The following ERC2 variants were observed in gnomAD, a reference collection of about 807,000 sequenced individuals.
ERC2 encodes the protein ELKS/RAB6-interacting/CAST family member 2.
A neutral mutation model predicts 114.8 loss-of-function variants in ERC2; 42 were observed. The observed-to-expected ratio is 0.37, with a 90% CI of 0.29 to 0.47. The LOEUF is 0.47. Among genes scored for constraint, ERC2 ranks in the 20% least tolerant of loss-of-function variants. The pLI is 0.99. For missense variants in ERC2, 939 were observed against 1,150.7 expected (o/e 0.82, Z 2.66); for synonymous variants, 454 against 425.5 (o/e 1.07, Z -0.82).
intron 3 of ERC2, among the ~76,000 whole-genome samples, chr3:56,294,919 A>G (rs1287203982): frequency 6.6e-6 from 1 of 152,184 alleles, no homozygotes; most frequent in Non-Finnish European, 1.5e-5. Context: ...AAAACGAAAC[A>G]AGGAAGAATA....
chr3:56,010,627 C>T lies in ERC2; in HGVS notation c.1780-38G>A, dbSNP rs1456976422. On this transcript the variant is annotated intron_variant, in intron 8 of 17. Transcript: ENST00000288221. The stretch of plus-strand genomic sequence containing the variant: ...TAACAAAAAAGAAGAGGTGAGAACC[C>T]ATCAGTGTATATGCCAAAGCATACT... 2.5e-6 allele frequency: 4 copies of T among 1,600,598 alleles called. No homozygotes were observed. In the South Asian group the frequency reaches 3.4e-5, roughly 13 times the overall value.
At chr3:55,909,519 C>T (rs2064672997) in intron 13 of ERC2, among the ~76,000 whole-genome samples, 1 of 145,470 alleles carries the variant, frequency 6.9e-6, no homozygotes, top group African/African-American at 2.5e-5. Context: ...GTGTAGATCT[C>T]ACAGACAGAA....
intron 3 of ERC2, among the ~76,000 whole-genome samples, chr3:56,190,267 C>T (rs1357224714): frequency 6.6e-6 from 1 of 152,190 alleles, no homozygotes; most frequent in Non-Finnish European, 1.5e-5. Context: ...AGCTGTGAAA[C>T]CTTGGGCAGG....
intron 4 of ERC2, among the ~76,000 whole-genome samples, chr3:56,151,224 G>A (rs1048175136): frequency 1.3e-5 from 2 of 152,084 alleles, no homozygotes; most frequent in African/African-American, 2.4e-5. Flanking sequence ...GCGCCACCAA[G>A]TACAACTAAT....
At chr3:55,994,909 C>T (rs1279875479) in intron 10 of ERC2, among the ~76,000 whole-genome samples, 11 of 152,166 alleles carry the variant, frequency 7.2e-5, no homozygotes, top group African/African-American at 2.7e-4. Context: ...CTAGACTGTA[C>T]CACTGTTGAC....
intron 7 of ERC2, among the ~76,000 whole-genome samples, chr3:56,031,598 A>G (rs570103989): frequency 1.4e-3 from 217 of 152,352 alleles, no homozygotes; most frequent in Non-Finnish European, 2.5e-3. Flanking sequence ...AAGAATAATC[A>G]GGGAAACTTG....
chr3:56,456,335 T>C (rs1212964692), intron 1 of ERC2, among the ~76,000 whole-genome samples: 1 of 152,242 alleles, frequency 6.6e-6, no homozygotes, highest in Non-Finnish European at 1.5e-5. Flanking sequence ...CATACTCTGG[T>C]GGACTCATAA....
intron 2 of ERC2, among the ~76,000 whole-genome samples, chr3:56,303,192 G>A (rs1054857110): frequency 2.6e-4 from 40 of 152,196 alleles, no homozygotes; most frequent in African/African-American, 8.0e-4. Context: ...GATGCTGTCT[G>A]CAGTCACTTT....
intron 4 of ERC2, among the ~76,000 whole-genome samples, chr3:56,160,254 G>A (rs1445710568): frequency 6.6e-6 from 1 of 152,008 alleles, no homozygotes; most frequent in Non-Finnish European, 1.5e-5. Flanking sequence ...GATTATGTTT[G>A]TTGGACACTT....
At chr3:56,111,982 A>G (rs1248324910) in intron 6 of ERC2, among the ~76,000 whole-genome samples, 1 of 152,216 alleles carries the variant, frequency 6.6e-6, no homozygotes, top group East Asian at 1.9e-4. Context: ...AATTCTCTGT[A>G]ACTAGATATG....
intron 11 of ERC2, among the ~76,000 whole-genome samples, chr3:55,986,848 C>A: frequency 6.6e-6 from 1 of 151,890 alleles, no homozygotes; most frequent in East Asian, 1.9e-4. Flanking sequence ...ATCTTCCAGG[C>A]TACTATAGGA....
intron 13 of ERC2, among the ~76,000 whole-genome samples, chr3:55,890,928 C>T (rs1440258787): frequency 6.6e-6 from 1 of 152,184 alleles, no homozygotes; most frequent in African/African-American, 2.4e-5. Flanking sequence ...TGCAAACAAT[C>T]ACTATACCCT....
At chr3:56,278,474 G>A (rs778317010) in intron 3 of ERC2, among the ~76,000 whole-genome samples, 36 of 152,176 alleles carry the variant, frequency 2.4e-4, no homozygotes, top group Non-Finnish European at 5.1e-4. Flanking sequence ...ACAACTAAAT[G>A]TAACATAGGA....
At chr3:56,001,040 A>C (rs1428723713) in intron 10 of ERC2, among the ~76,000 whole-genome samples, 5 of 151,940 alleles carry the variant, frequency 3.3e-5, no homozygotes, top group Non-Finnish European at 7.4e-5. Flanking sequence ...AAAAAAATAG[A>C]ATAGAAACCC....
intron 11 of ERC2, among the ~76,000 whole-genome samples, chr3:55,987,809 C>T (rs1298880010): frequency 6.6e-6 from 1 of 152,058 alleles, no homozygotes; most frequent in Non-Finnish European, 1.5e-5. Flanking sequence ...ATTATTTCTC[C>T]AACCAGATAA....
intron 15 of ERC2, among the ~76,000 whole-genome samples, chr3:55,730,501 A>G (rs1019790863): frequency 6.6e-6 from 1 of 152,220 alleles, no homozygotes; most frequent in African/African-American, 2.4e-5. Context: ...CTGAGCACCT[A>G]CTATGTGCCT....
chr3:56,314,110 T>TC (rs1210879903), intron 2 of ERC2, among the ~76,000 whole-genome samples: 1 of 152,154 alleles, frequency 6.6e-6, no homozygotes, highest in Non-Finnish European at 1.5e-5. Context: ...CAAATTAAGA[T>TC]CTCTGACTAT....
At chr3:56,203,708 T>C (rs2048536743) in intron 3 of ERC2, among the ~76,000 whole-genome samples, 1 of 152,104 alleles carries the variant, frequency 6.6e-6, no homozygotes, top group Admixed American at 6.6e-5. Context: ...AAAGGTCAAA[T>C]TGAAACCCTG....
intron 2 of ERC2, among the ~76,000 whole-genome samples, chr3:56,401,151 T>C (rs1037596883): frequency 6.6e-6 from 1 of 152,260 alleles, no homozygotes; most frequent in Non-Finnish European, 1.5e-5. Context: ...ATTAGGCCAG[T>C]GCTACCACTA....
Sources: allele counts gnomAD v4.1 joint callset (sites outside exome capture counted in the v4.1 genomes callset), GRCh38; gene constraint gnomAD v4.1.1; transcripts MANE v1.5; gene names NCBI Gene and HGNC (gene_info 2026-07-23, HGNC 2026-07-21).